The following ENTREP2 variants were observed in gnomAD, a reference collection of about 807,000 sequenced individuals.
ENTREP2 encodes protein ENTREP2.
the ENTREP2 span, among the ~76,000 whole-genome samples, chr15:29,439,876 G>C: frequency 6.6e-6 from 1 of 152,292 alleles, no homozygotes; most frequent in Middle Eastern, 3.4e-3. Context: ...ACACCAGCTT[G>C]GCCAGGTGAT....
the ENTREP2 span, among the ~76,000 whole-genome samples, chr15:29,321,323 T>C: frequency 2.6e-5 from 4 of 152,156 alleles, no homozygotes; most frequent in African/African-American, 7.2e-5. Flanking sequence ...CCCACCAACC[T>C]AGACATGTAT....
At chr15:29,225,556 C>T in the ENTREP2 span, among the ~76,000 whole-genome samples, 5 of 152,154 alleles carry the variant, frequency 3.3e-5, no homozygotes, top group Non-Finnish European at 7.3e-5. Flanking sequence ...TAACAGGTGG[C>T]TGGAGACCTG....
the ENTREP2 span, among the ~76,000 whole-genome samples, chr15:29,584,192 CATG>C: frequency 6.6e-6 from 1 of 151,750 alleles, no homozygotes; most frequent in Non-Finnish European, 1.5e-5. Flanking sequence ...ATACAGTAAA[CATG>C]TATTTGTAAA....
the ENTREP2 span, among the ~76,000 whole-genome samples, chr15:29,648,403 T>TA: frequency 6.6e-6 from 1 of 152,232 alleles, no homozygotes; most frequent in Non-Finnish European, 1.5e-5. Flanking sequence ...GCAAGCCCAT[T>TA]AGCTCAGGCT....
the ENTREP2 span, among the ~76,000 whole-genome samples, chr15:29,346,636 AG>A: frequency 6.6e-6 from 1 of 152,226 alleles, no homozygotes; most frequent in African/African-American, 2.4e-5. Context: ...ACTTTCATTT[AG>A]CTTTAAACAG....
At chr15:29,557,847 C>T in the ENTREP2 span, among the ~76,000 whole-genome samples, 5 of 152,156 alleles carry the variant, frequency 3.3e-5, no homozygotes, top group Non-Finnish European at 7.3e-5. Context: ...AGGAATTGTC[C>T]CCCAACATTA....
the ENTREP2 span, among the ~76,000 whole-genome samples, chr15:29,247,986 A>G: frequency 6.6e-6 from 1 of 152,268 alleles, no homozygotes; most frequent in Non-Finnish European, 1.5e-5. Flanking sequence ...CCTTAGAACC[A>G]GCCAGTTTTC....
At chr15:29,379,459 T>C in the ENTREP2 span, among the ~76,000 whole-genome samples, 1 of 152,138 alleles carries the variant, frequency 6.6e-6, no homozygotes, top group Non-Finnish European at 1.5e-5. Context: ...GAACCCCTTC[T>C]CCTCTGCCTG....
At chr15:29,177,890 G>A in the ENTREP2 span, among the ~76,000 whole-genome samples, 14 of 151,392 alleles carry the variant, frequency 9.2e-5, no homozygotes, top group African/African-American at 2.9e-4. Context: ...GAGGGTGGGC[G>A]AGGGGAGGCA....
chr15:29,258,754 G>A, the ENTREP2 span, among the ~76,000 whole-genome samples: 1 of 151,940 alleles, frequency 6.6e-6, no homozygotes, highest in African/African-American at 2.4e-5. Context: ...CCTCCTCCTA[G>A]CCCCTAGCAA....
chr15:29,186,098 G>A, the ENTREP2 span, among the ~76,000 whole-genome samples: 2 of 152,180 alleles, frequency 1.3e-5, no homozygotes, highest in African/African-American at 2.4e-5. Context: ...GGACACTAGA[G>A]TGACTGGGGT....
chr15:29,584,997 G>GGATAGATAGATAGATAGATA, the ENTREP2 span, among the ~76,000 whole-genome samples: 3 of 150,710 alleles, frequency 2.0e-5, no homozygotes, highest in South Asian at 2.1e-4. Context: ...AAAGATCGAT[G>GGATAGATAGATAGATAGATA]GATAGATAGA....
chr15:29,370,829 G>C, the ENTREP2 span, among the ~76,000 whole-genome samples: 13 of 151,960 alleles, frequency 8.6e-5, no homozygotes, highest in African/African-American at 2.9e-4. Context: ...CCTCTTACTC[G>C]CTCCAAAAAA....
At chr15:29,494,639 T>C in the ENTREP2 span, among the ~76,000 whole-genome samples, 3 of 152,206 alleles carry the variant, frequency 2.0e-5, no homozygotes, top group Admixed American at 6.5e-5. Context: ...TGAAAGTTTG[T>C]TCGCTTTGAC....
chr15:29,533,084 T>A, the ENTREP2 span, among the ~76,000 whole-genome samples: 9 of 152,162 alleles, frequency 5.9e-5, no homozygotes, highest in African/African-American at 2.2e-4. Context: ...TTTCTCTGAC[T>A]CTGGATTTCC....
chr15:29,531,131 C>T, the ENTREP2 span, among the ~76,000 whole-genome samples: 3 of 152,350 alleles, frequency 2.0e-5, no homozygotes, highest in East Asian at 5.8e-4. Context: ...ACCTTCCCCC[C>T]AGTTTTCTTC....
chr15:29,518,862 G>A, the ENTREP2 span, among the ~76,000 whole-genome samples: 1 of 152,194 alleles, frequency 6.6e-6, no homozygotes, highest in Non-Finnish European at 1.5e-5. Context: ...CAGAGAGGAA[G>A]GTCACAGATG....
At chr15:29,672,047 C>T in the ENTREP2 span, among the ~76,000 whole-genome samples, 7 of 152,246 alleles carry the variant, frequency 4.6e-5, 1 homozygote, top group African/African-American at 7.2e-5. Flanking sequence ...AGTGCAGTGG[C>T]GCCATCTTGG....
At chr15:29,486,465 C>T in the ENTREP2 span, among the ~76,000 whole-genome samples, 3 of 152,104 alleles carry the variant, frequency 2.0e-5, no homozygotes, top group African/African-American at 7.2e-5. Flanking sequence ...CCGAGGTGGG[C>T]AGATCACTTG....
Sources: allele counts gnomAD v4.1 joint callset (sites outside exome capture counted in the v4.1 genomes callset), GRCh38; gene constraint gnomAD v4.1.1; transcripts MANE v1.5; gene names NCBI Gene and HGNC (gene_info 2026-07-23, HGNC 2026-07-21).